The following TMOD3 variants were observed in gnomAD, a reference collection of about 807,000 sequenced individuals.
TMOD3 encodes tropomodulin-3.
In TMOD3, 20 loss-of-function variants were observed where a neutral mutation model predicts 39.2. The ratio of observed to expected loss-of-function variants is 0.51; its 90% CI spans 0.36 to 0.74. TMOD3 has a LOEUF of 0.74. Among genes scored for constraint, TMOD3 ranks in the 30% least tolerant of loss-of-function variants. The pLI, the probability that TMOD3 is intolerant of heterozygous loss-of-function variation, is 0.00. For synonymous variants in TMOD3, 143 were observed against 145.8 expected, an observed-to-expected ratio of 0.98 and a Z score of 0.14; for missense variants, 381 against 412.8, an observed-to-expected ratio of 0.92 and a Z score of 0.67.
chr15:51,838,111 T>C (rs569087358), intron 1 of TMOD3, among the ~76,000 whole-genome samples: 1 of 152,258 alleles, frequency 6.6e-6, no homozygotes, highest in Non-Finnish European at 1.5e-5. Flanking sequence ...TGAAGATCGC[T>C]CCTTTCCCTT....
chr15:51,881,023 T>A (rs1415060175), intron 3 of TMOD3, among the ~76,000 whole-genome samples: 1 of 152,236 alleles, frequency 6.6e-6, no homozygotes, highest in Admixed American at 6.5e-5. Flanking sequence ...TGAAGTAATA[T>A]CACATTGTGG....
chr15:51,907,863 A>G (rs1345469332), intron 9 of TMOD3, among the ~76,000 whole-genome samples: 2 of 152,242 alleles, frequency 1.3e-5, no homozygotes, highest in Admixed American at 6.5e-5. Flanking sequence ...AGAGGCTGGT[A>G]GTCTCAGATA....
At chr15:51,857,249 A>G (rs2056392476) in intron 1 of TMOD3, among the ~76,000 whole-genome samples, 1 of 152,268 alleles carries the variant, frequency 6.6e-6, no homozygotes, top group Admixed American at 6.5e-5. Context: ...TGATTAATTC[A>G]AAATCTGGTA....
At chr15:51,894,440 G>A (rs1440385056) in intron 6 of TMOD3, among the ~76,000 whole-genome samples, 1 of 152,002 alleles carries the variant, frequency 6.6e-6, no homozygotes, top group Non-Finnish European at 1.5e-5. Flanking sequence ...ATTTAAATAT[G>A]GTAAAATTCT....
chr15:51,835,961 G>A (rs1274978195), intron 1 of TMOD3, among the ~76,000 whole-genome samples: 1 of 152,116 alleles, frequency 6.6e-6, no homozygotes, highest in Non-Finnish European at 1.5e-5. Flanking sequence ...ATTAGAGATG[G>A]AGAAAAGACA....
chr15:51,860,858 C>A (rs144851938), intron 1 of TMOD3: 13,807 of 373,418 alleles, frequency 0.037, 335 homozygotes, highest in Non-Finnish European at 0.05. Context: ...ATTGCTTGAA[C>A]CCAGGAGGCA....
chr15:51,870,619 G>C (rs1253854557), intron 3 of TMOD3, among the ~76,000 whole-genome samples: 1 of 152,200 alleles, frequency 6.6e-6, no homozygotes, highest in Non-Finnish European at 1.5e-5. Flanking sequence ...AGGAAGGCTT[G>C]TGAATGGCTA....
chr15:51,836,553 C>T (rs1351814772), intron 1 of TMOD3, among the ~76,000 whole-genome samples: 1 of 151,802 alleles, frequency 6.6e-6, no homozygotes, highest in African/African-American at 2.4e-5. Flanking sequence ...GGTGAAACCC[C>T]GTCTCTACTA....
intron 8 of TMOD3, chr15:51,901,463 CTA>C (rs2056649553): frequency 1.3e-5 from 2 of 154,304 alleles, no homozygotes; most frequent in African/African-American, 4.8e-5. Flanking sequence ...TTGTTATTAT[CTA>C]TCTTTTTTAT....
At position 51,865,731 on chromosome 15, in the gene TMOD3, G is replaced by C. The variant is rs151008541; in HGVS notation, c.126+2721G>C. The stretch of plus-strand genomic sequence containing the variant: ...AGAACCAGGTAAGAAAAGAGGTCAA[G>C]GGTAGTAGCAGCTACTTCAGCCAAA... On this transcript the variant is annotated intron_variant, in intron 2 of 9. Transcript: ENST00000308580. Among the ~76,000 whole-genome samples the C allele has an allele frequency of 2.4e-3, 364 of 152,250 alleles. 11 individuals carry two copies. The East Asian group carries it at 0.045, about 19-fold the overall frequency.
At chr15:51,867,937 C>G (rs888269698) in intron 2 of TMOD3, among the ~76,000 whole-genome samples, 28 of 152,200 alleles carry the variant, frequency 1.8e-4, no homozygotes, top group Non-Finnish European at 4.4e-5. Flanking sequence ...CTAAGTCAGT[C>G]CATGCGCTCA....
In TMOD3 at chr15:51,914,184, C is replaced by T. The variant is rs953887404; in HGVS notation, c.*5374C>T. 4 of 152,142 alleles carry T rather than the reference C, an allele frequency of 2.6e-5. No homozygotes were observed. Among genetic ancestry groups the T allele is most frequent in the African/African-American group, 9.7e-5 (4 of 41,362 alleles). The allele number at this position is 152,142 out of a possible 1,614,324, so 9.4% of individuals were successfully genotyped here. A position where few individuals can be genotyped will look rare whatever the true frequency, so the allele number is the denominator to read the frequency against. On this transcript the variant is annotated 3_prime_UTR_variant, in exon 10 of 10. Transcript: ENST00000308580. ...CCTATAGTACCAGCTACTTAGGAGTCTAAAGTGGGAGAATTGCTTGAGCCT... is the reference window on the plus strand; with the variant it reads ...CCTATAGTACCAGCTACTTAGGAGTTTAAAGTGGGAGAATTGCTTGAGCCT...
At chr15:51,890,311 C>G (rs1383894577) in intron 5 of TMOD3, among the ~76,000 whole-genome samples, 1 of 150,360 alleles carries the variant, frequency 6.7e-6, no homozygotes, top group Non-Finnish European at 1.5e-5. Context: ...TAGGATTTGA[C>G]AGGTGCACGC....
At chr15:51,893,778 TG>T in intron 5 of TMOD3, 36 bp from the exon 6 acceptor site, 1 of 1,384,096 alleles carries the variant, frequency 7.2e-7, no homozygotes, top group East Asian at 2.7e-5. Flanking sequence ...AAAAAAAAAA[TG>T]GTATCAAATC....
chr15:51,871,940 C>T (rs1175752295), intron 3 of TMOD3, among the ~76,000 whole-genome samples: 2 of 152,064 alleles, frequency 1.3e-5, no homozygotes, highest in East Asian at 3.8e-4. Flanking sequence ...CTACATATGT[C>T]TATTAAATAT....
chr15:51,859,363 C>T (rs1475488826), intron 1 of TMOD3: 1 of 700,808 alleles, frequency 1.4e-6, no homozygotes, highest in Non-Finnish European at 2.7e-6. Flanking sequence ...GATCCAAACT[C>T]TCTCAAAGCC....
At chr15:51,845,534 A>G (rs1428557017) in intron 1 of TMOD3, among the ~76,000 whole-genome samples, 1 of 152,140 alleles carries the variant, frequency 6.6e-6, no homozygotes, top group Admixed American at 6.5e-5. Context: ...AGGTGGGAAC[A>G]TCGCTTGAGC....
chr15:51,875,478 T>G (rs1414249088), intron 3 of TMOD3, among the ~76,000 whole-genome samples: 2 of 152,066 alleles, frequency 1.3e-5, no homozygotes, highest in Admixed American at 6.5e-5. Context: ...GGGTGAGGAG[T>G]TAGCCAGATG....
chr15:51,834,039 T>C (rs1439981599), intron 1 of TMOD3, among the ~76,000 whole-genome samples: 5 of 152,226 alleles, frequency 3.3e-5, no homozygotes, highest in Non-Finnish European at 7.3e-5. Flanking sequence ...TGATTAAGAA[T>C]GTTGAGTGCT....
Sources: allele counts gnomAD v4.1 joint callset (sites outside exome capture counted in the v4.1 genomes callset), GRCh38; gene constraint gnomAD v4.1.1; transcripts MANE v1.5; gene names NCBI Gene and HGNC (gene_info 2026-07-23, HGNC 2026-07-21).